Variants in LRIF1 observed in about 807,000 individuals in gnomAD.
LRIF1 encodes ligand dependent nuclear receptor interacting factor 1.
Under a neutral mutation model 52.7 loss-of-function variants are expected in LRIF1, and 32 were observed. The observed-to-expected ratio is 0.61, with a 90% CI of 0.46 to 0.82. The LOEUF is 0.82. LRIF1 is among the 40% of genes least tolerant of loss of function. The probability of loss-of-function intolerance (pLI) is 0.00; values close to 1 mark genes in which losing one functional copy is unlikely to be tolerated. For missense variants in LRIF1, 887 were observed against 892.0 expected (o/e 0.99, Z 0.07); for synonymous variants, 323 against 317.4 (o/e 1.02, Z -0.19).
At chr1:110,949,308 C>T (rs563545605) in intron 3 of LRIF1, among the ~76,000 whole-genome samples, 190 of 151,916 alleles carry the variant, frequency 1.3e-3, no homozygotes, top group African/African-American at 4.0e-3. Context: ...TTAGTAGAGA[C>T]GGGGTTTCAC....
At chr1:110,904,393 G>T in the LRIF1 span, among the ~76,000 whole-genome samples, 2 of 152,124 alleles carry the variant, frequency 1.3e-5, no homozygotes, top group Non-Finnish European at 2.9e-5. Flanking sequence ...TGACACAGGC[G>T]TGCTTGTGTC....
At chr1:110,943,804 T>C (rs1014845861), downstream of LRIF1, 3 of 152,216 alleles carry the variant, frequency 2.0e-5, no homozygotes, top group East Asian at 1.9e-4. Context: ...CCTTTTCTTA[T>C]TTAATTCCTG....
the LRIF1 span, chr1:110,898,027 A>G: frequency 3.9e-6 from 2 of 506,476 alleles, no homozygotes; most frequent in Non-Finnish European, 7.0e-6. Context: ...TCCCCCAGCC[A>G]AGTAGCAAAT....
chr1:110,907,291 T>C, the LRIF1 span, among the ~76,000 whole-genome samples: 13 of 152,214 alleles, frequency 8.5e-5, no homozygotes, highest in Non-Finnish European at 1.9e-4. Context: ...TGCAATTATA[T>C]ATTTTTTGCT....
At chr1:110,880,622 C>CTTT in the LRIF1 span, among the ~76,000 whole-genome samples, 2 of 152,172 alleles carry the variant, frequency 1.3e-5, no homozygotes, top group African/African-American at 4.8e-5. Context: ...ATGTCCAAAA[C>CTTT]ATCAGTTTAT....
chr1:110,949,844 T>A lies in LRIF1; in HGVS notation c.1869+7A>T. On this transcript the variant is annotated splice_region_variant and intron_variant, in intron 3 of 3. Transcript: ENST00000369763. ...CTATGAAGAGCACATTAAAATGTATTACCTACCTGTTTTCTCTCTCCTTCC... is the reference window on the plus strand; with the variant it reads ...CTATGAAGAGCACATTAAAATGTATAACCTACCTGTTTTCTCTCTCCTTCC... The A allele has an allele frequency of 1.2e-6, 2 of 1,611,736 alleles. No homozygotes were observed. The highest frequency in any genetic ancestry group is 1.7e-6 in the Non-Finnish European group (2 of 1,178,648).
downstream of LRIF1, chr1:110,943,838 AC>A (rs1336694950): frequency 6.6e-6 from 1 of 152,188 alleles, no homozygotes; most frequent in Non-Finnish European, 1.5e-5. Context: ...TCTCAGTTCA[AC>A]CATCATCTTT....
At chr1:110,943,974 GTTC>G (rs1218171167), downstream of LRIF1, 4 of 152,154 alleles carry the variant, frequency 2.6e-5, no homozygotes, top group African/African-American at 4.8e-5. Flanking sequence ...TCAGATAGTG[GTTC>G]TTATTTTCCA....
chr1:110,885,923 G>A, the LRIF1 span, among the ~76,000 whole-genome samples: 3 of 152,102 alleles, frequency 2.0e-5, no homozygotes, highest in Admixed American at 6.5e-5. Flanking sequence ...AAAGTATTGC[G>A]CATTTATTCC....
At chr1:110,913,576 T>C in the LRIF1 span, among the ~76,000 whole-genome samples, 3 of 152,040 alleles carry the variant, frequency 2.0e-5, no homozygotes, top group Non-Finnish European at 4.4e-5. Context: ...ATTAGAGAAA[T>C]GCAAATCAAA....
chr1:110,918,348 T>C, the LRIF1 span, among the ~76,000 whole-genome samples: 1 of 152,162 alleles, frequency 6.6e-6, no homozygotes, highest in African/African-American at 2.4e-5. Flanking sequence ...ATAATATTGT[T>C]ATTACTCATA....
At chr1:110,937,706 GAAGAA>G in the LRIF1 span, 6 of 151,752 alleles carry the variant, frequency 4.0e-5, no homozygotes, top group Admixed American at 3.9e-4. Flanking sequence ...AAAATTAGTA[GAAGAA>G]AAGAAATAAT....
At chr1:110,924,249 A>T in the LRIF1 span, among the ~76,000 whole-genome samples, 1 of 152,228 alleles carries the variant, frequency 6.6e-6, no homozygotes, top group Non-Finnish European at 1.5e-5. Flanking sequence ...AAGAAAATCT[A>T]GTCCCAAATG....
In LRIF1 at chr1:110,950,097, T is replaced by C; in HGVS notation, c.1623A>G (p.Ser541=). The change falls in exon 3 of 4, where the codon TCA becomes TCG. Residue 541 remains serine, a synonymous_variant. Coordinates refer to ENST00000369763, the MANE Select transcript of LRIF1 (RefSeq NM_018372.4). The stretch of plus-strand genomic sequence containing the variant: ...CATTTCTTCCTTGGGCACCTTTATC[T>C]GATGTTGATGCCATCTCATTATGGA... The part of the protein sequence containing the change: ...PKIHNEMAST[S]DKGAQGRNDK... 6.2e-7 allele frequency: 1 copy of C among 1,613,112 alleles called. No individual in the cohort carries two copies. The highest frequency in any genetic ancestry group is 8.5e-7 in the Non-Finnish European group (1 of 1,179,548).
In LRIF1 at chr1:110,951,584, G is replaced by C; in HGVS notation, c.1300C>G (p.Leu434Val). The change falls in exon 2 of 4, where the codon CTT becomes GTT. Residue 434 changes from leucine to valine, a missense_variant. Leu to Val is a conservative substitution (Grantham distance 32). Transcript: ENST00000369763. ...GCCCTTAGATTGGCCATGGAAGCAA[G>C]CTGGGTATTGGAAAGTGATTTTGTC... Reference protein sequence around the residue: ...METKSLSNTQLASMANLRAEK... With the variant: ...METKSLSNTQVASMANLRAEK... The C allele has an allele frequency of 1.2e-6, 2 of 1,614,100 alleles. No individual in the cohort carries two copies. Among genetic ancestry groups the C allele is most frequent in the Non-Finnish European group, 1.7e-6 (2 of 1,180,010 alleles).
At chr1:110,902,872 G>T in the LRIF1 span, among the ~76,000 whole-genome samples, 1 of 152,194 alleles carries the variant, frequency 6.6e-6, no homozygotes, top group Non-Finnish European at 1.5e-5. Flanking sequence ...ATCACTGAAA[G>T]TCATGCTGGA....
In LRIF1 at chr1:110,952,470, A is replaced by G; in HGVS notation, c.414T>C (p.His138=). The change falls in exon 2 of 4, where the codon CAT becomes CAC. Residue 138 remains histidine (H), a synonymous_variant. Coordinates refer to ENST00000369763, the MANE Select transcript of LRIF1 (RefSeq NM_018372.4). ...FSSSVSKVQS[H]GVKIDGLTMQ... ...TGGTGAGTCCATCAATTTTCACACCATGACTCTGAACTTTAGAAACTGATG... is the reference window on the plus strand; with the variant it reads ...TGGTGAGTCCATCAATTTTCACACCGTGACTCTGAACTTTAGAAACTGATG... The G allele has an allele frequency of 6.2e-7, 1 of 1,612,940 alleles. No homozygotes were observed. The highest frequency in any genetic ancestry group is 8.5e-7 in the Non-Finnish European group (1 of 1,178,994).
intron 1 of LRIF1, among the ~76,000 whole-genome samples, chr1:110,958,565 T>C (rs1557843184): frequency 6.6e-6 from 1 of 152,208 alleles, no homozygotes; most frequent in Non-Finnish European, 1.5e-5. Flanking sequence ...TTTTATATGA[T>C]GTCTATATTT....
rs1015287983 is a variant in LRIF1 at position 110,952,581 on chromosome 1, G to C, written c.303C>G (p.Ala101=). Reference sequence around the variant, plus strand: ...TTGTAAGAAAATAGTTTGAAGAACTGGCTGGCTGAAAAATGGGCAATTGAA... The same window carrying C: ...TTGTAAGAAAATAGTTTGAAGAACTCGCTGGCTGAAAAATGGGCAATTGAA... ...ASVQLPIFQP[A]SSSNYFLTRT... Residue 101 remains alanine (A), a synonymous_variant, in exon 2 of 4, where the codon GCC becomes GCG. Coordinates refer to ENST00000369763, the MANE Select transcript of LRIF1 (RefSeq NM_018372.4). 1 of 1,613,794 alleles carries C rather than the reference G, an allele frequency of 6.2e-7. No individual in the cohort carries two copies. The highest frequency in any genetic ancestry group is 8.5e-7 in the Non-Finnish European group (1 of 1,179,800).
Sources: allele counts gnomAD v4.1 joint callset (sites outside exome capture counted in the v4.1 genomes callset), GRCh38; gene constraint gnomAD v4.1.1; transcripts MANE v1.5; gene names NCBI Gene and HGNC (gene_info 2026-07-23, HGNC 2026-07-21).